CHPT1: variants seen among roughly 807,000 people sequenced by gnomAD.
The protein encoded by CHPT1 is choline phosphotransferase 1.
Under a neutral mutation model 47.6 loss-of-function variants are expected in CHPT1, and 36 were observed. That is an observed-to-expected ratio of 0.76 (90% CI 0.58 to 1.00). CHPT1 has a LOEUF of 1.00. CHPT1 is among the 50% of genes least tolerant of loss of function. The pLI is 0.00. For synonymous variants in CHPT1, 194 were observed against 186.3 expected, an observed-to-expected ratio of 1.04 and a Z score of -0.33; for missense variants, 458 against 498.1, an observed-to-expected ratio of 0.92 and a Z score of 0.77.
At chr12:101,717,306 G>T in intron 4 of CHPT1, 1 of 454,814 alleles carries the variant, frequency 2.2e-6, no homozygotes, top group Admixed American at 2.4e-5. Flanking sequence ...TTTCATAAAA[G>T]TTGGCTCTTA....
At chr12:101,702,645 T>C (rs562761479) in intron 1 of CHPT1, among the ~76,000 whole-genome samples, 2 of 144,442 alleles carry the variant, frequency 1.4e-5, no homozygotes, top group African/African-American at 4.9e-5. Flanking sequence ...CTACTCAGAC[T>C]TTTTTTTATA....
chr12:101,714,191 C>T lies in CHPT1; in HGVS notation c.375C>T (p.Ser125=). The change falls in exon 2 of 9, where the codon TCC becomes TCT. Residue 125 remains serine, a synonymous_variant. Coordinates refer to ENST00000229266, the MANE Select transcript of CHPT1 (RefSeq NM_020244.3). ...GKQARRTNSC[S]PLGELFDHGC... ...AAGCCAGAAGAACAAACTCTTGTTC[C>T]CCTTTAGGGGAGCTCTTTGACCATG... is the stretch of plus-strand genomic sequence containing the variant. The T allele has an allele frequency of 6.2e-7, 1 of 1,613,062 alleles. No homozygotes were observed. Among genetic ancestry groups the T allele is most frequent in the Admixed American group, 1.7e-5 (1 of 59,942 alleles).
intron 5 of CHPT1, among the ~76,000 whole-genome samples, chr12:101,722,332 TTAA>T (rs1390778387): frequency 1.3e-5 from 2 of 152,192 alleles, no homozygotes; most frequent in Non-Finnish European, 2.9e-5. Context: ...ACATGTAAAC[TTAA>T]TAAACAAGAG....
rs562246323 is a variant in CHPT1 at position 101,697,919 on chromosome 12, C to A, written c.58C>A (p.Pro20Thr). The A allele has an allele frequency of 2.1e-6, 3 of 1,432,894 alleles. No individual in the cohort carries two copies. Among genetic ancestry groups the A allele is most frequent in the Non-Finnish European group, 2.7e-6 (3 of 1,096,066 alleles). The allele number at this position is 1,432,894 out of a possible 1,614,324, so 88.8% of individuals were successfully genotyped here. A position where few individuals can be genotyped will look rare whatever the true frequency, so the allele number is the denominator to read the frequency against. The change falls in exon 1 of 9, where the codon CCG becomes ACG. Residue 20 changes from proline (P) to threonine (T), a missense_variant. Physicochemically the swap from Pro to Thr is conservative, Grantham distance 38. Coordinates refer to ENST00000229266, the MANE Select transcript of CHPT1 (RefSeq NM_020244.3). ...GCGCTGGCTGAGGGCGCTGAGCGAGCCGCTGAGCGCGGCGCAGCTGCGGCG... is the reference window on the plus strand; with the variant it reads ...GCGCTGGCTGAGGGCGCTGAGCGAGACGCTGAGCGCGGCGCAGCTGCGGCG... ...APRWLRALSE[P>T]LSAAQLRRLE...
intron 4 of CHPT1, 102 bp downstream of exon 4, chr12:101,716,914 AT>A (rs5800483): frequency 0.35 from 190,585 of 545,668 alleles, 24,006 homozygotes; most frequent in African/African-American, 0.45. Flanking sequence ...ATTGTATTTA[AT>A]TTTTTTTTTT....
chr12:101,698,150 C>T lies in CHPT1; in HGVS notation c.273+16C>T. 2 of 1,444,552 alleles carry T rather than the reference C, an allele frequency of 1.4e-6. No individual in the cohort carries two copies. Among genetic ancestry groups the T allele is most frequent in the East Asian group, 5.9e-5 (2 of 34,126 alleles). The allele number at this position is 1,444,552 out of a possible 1,614,324, so 89.5% of individuals were successfully genotyped here. ...CACCGAAGAGGTAGGGCTGGCCGAT[C>T]GCCCGAGCCGGGCCCCAGATGCGCT... On this transcript the variant is annotated intron_variant, in intron 1 of 8. Coordinates refer to ENST00000229266, the MANE Select transcript of CHPT1 (RefSeq NM_020244.3).
rs1376432877 is a variant in CHPT1 at position 101,698,063 on chromosome 12, C to G, written c.202C>G (p.Leu68Val). 1.3e-6 allele frequency: 2 copies of G among 1,572,462 alleles called. No homozygotes were observed. The highest frequency in any genetic ancestry group is 1.4e-5 in the African/African-American group (1 of 71,820). ...PLWMAPNSIT[L>V]LGLAVNVVTT... Reference sequence around the variant, plus strand: ...CTGGATGGCCCCCAACTCCATCACCCTGCTGGGGCTCGCCGTCAACGTGGT... The same window carrying G: ...CTGGATGGCCCCCAACTCCATCACCGTGCTGGGGCTCGCCGTCAACGTGGT... The change falls in exon 1 of 9, where the codon CTG becomes GTG. Residue 68 changes from leucine to valine, a missense_variant. Physicochemically the swap from Leu to Val is conservative, Grantham distance 32. Coordinates refer to ENST00000229266, the MANE Select transcript of CHPT1 (RefSeq NM_020244.3).
rs1015377483 is a variant in CHPT1 at position 101,719,461 on chromosome 12, T to G, written c.649-662T>G. On this transcript the variant is annotated intron_variant, in intron 4 of 8. Transcript: ENST00000229266. ...AGCTTCTGGCAATTCATTGTTACTGTTTTTTAAATCCTTTGCTGCCTTTGG... is the reference window on the plus strand; with the variant it reads ...AGCTTCTGGCAATTCATTGTTACTGGTTTTTAAATCCTTTGCTGCCTTTGG... 5.1e-6 allele frequency: 5 copies of G among 971,472 alleles called. No homozygotes were observed. The African/African-American group carries it at 8.4e-5, about 16-fold the overall frequency. 60.2% of individuals were successfully genotyped at this position (971,472 alleles called of 1,614,324 possible).
In CHPT1 at chr12:101,709,276, A is replaced by C. The variant is rs977736872; in HGVS notation, c.274-4814A>C. On this transcript the variant is annotated intron_variant, in intron 1 of 8. Transcript: ENST00000229266. ...ACCAGGCATGGTGGTGCACACCTGT[A>C]GTGTCCTAGCTACTGAGGAGGCTGA... Among the ~76,000 whole-genome samples, 2 of 144,796 alleles carry C rather than the reference A, an allele frequency of 1.4e-5. 1 individual carries two copies. Among genetic ancestry groups the C allele is most frequent in the Non-Finnish European group, 3.1e-5 (2 of 65,252 alleles). 95.0% of individuals were successfully genotyped at this position (144,796 alleles called of 152,430 possible).
In CHPT1 at chr12:101,705,090, TTTTGTTTG is replaced by T. The variant is rs992919773; in HGVS notation, c.273+6972_273+6979del. 3.3e-5 allele frequency among the ~76,000 whole-genome samples: 4 copies of T among 122,810 alleles called. 1 individual carries two copies. Among genetic ancestry groups the T allele is most frequent in the African/African-American group, 8.3e-5 (2 of 24,072 alleles). The allele number at this position is 122,810 out of a possible 152,430, so 80.6% of individuals were successfully genotyped here. A position where few individuals can be genotyped will look rare whatever the true frequency, so the allele number is the denominator to read the frequency against. ...ATGTATTCTTCCCATTGCTTTTTTG[TTTTGTTTG>T]TTTGTTTGTTTGTTTTTGAGATAGG... On this transcript the variant is annotated intron_variant, in intron 1 of 8. Transcript: ENST00000229266.
At chr12:101,698,880 G>C (rs1951506706) in intron 1 of CHPT1, among the ~76,000 whole-genome samples, 1 of 152,138 alleles carries the variant, frequency 6.6e-6, no homozygotes, top group Non-Finnish European at 1.5e-5. Flanking sequence ...GGGGCAGAGT[G>C]GAGTTCACTC....
At chr12:101,720,403 C>A in intron 5 of CHPT1, 149 bp downstream of exon 5, 1 of 698,564 alleles carries the variant, frequency 1.4e-6, no homozygotes, top group Non-Finnish European at 2.3e-6. Context: ...AGTACAAAAG[C>A]ATTTTAAAAA....
At chr12:101,713,616 AC>A (rs1951724143) in intron 1 of CHPT1, among the ~76,000 whole-genome samples, 1 of 151,496 alleles carries the variant, frequency 6.6e-6, no homozygotes, top group Non-Finnish European at 1.5e-5. Flanking sequence ...ATGTTTGAAA[AC>A]TGTTTTTTGT....
chr12:101,721,930 G>A lies in CHPT1; in HGVS notation c.781-1238G>A, dbSNP rs541309489. Among the ~76,000 whole-genome samples, 6 of 151,970 alleles carry A rather than the reference G, an allele frequency of 3.9e-5. No individual in the cohort carries two copies. In the South Asian group the frequency reaches 8.3e-4, roughly 21 times the overall value. ...AAAAATTAGCTGGGCTTAGTGGCGG[G>A]CACCTGTAATCCCAGCTACTCAGGA... On this transcript the variant is annotated intron_variant, in intron 5 of 8. Transcript: ENST00000229266.
In CHPT1 at chr12:101,698,029, G is replaced by A; in HGVS notation, c.168G>A (p.Trp56Ter). The A allele has an allele frequency of 6.3e-7, 1 of 1,581,062 alleles. No homozygotes were observed. Among genetic ancestry groups the A allele is most frequent in the Non-Finnish European group, 8.5e-7 (1 of 1,172,278 alleles). Residue 56 changes from tryptophan (W) to a stop codon, truncating the protein, a stop_gained, in exon 1 of 9, where the codon TGG (tryptophan) becomes TGA (stop). Coordinates refer to ENST00000229266, the MANE Select transcript of CHPT1 (RefSeq NM_020244.3). LOFTEE classifies it high-confidence loss of function. ...LQLYWTWLLQ[W>*]IPLWMAPNSI... ...TCTACTGGACCTGGCTGCTCCAGTG[G>A]ATCCCGCTCTGGATGGCCCCCAACT...
intron 4 of CHPT1, chr12:101,717,357 G>T (rs555409497): frequency 2.2e-6 from 1 of 450,578 alleles, no homozygotes; most frequent in Non-Finnish European, 4.5e-6. Context: ...TGCAAAAGAA[G>T]AACATTTCTG....
intron 1 of CHPT1, among the ~76,000 whole-genome samples, chr12:101,712,571 C>T (rs979744818): frequency 1.3e-5 from 2 of 148,376 alleles, no homozygotes; most frequent in Non-Finnish European, 3.0e-5. Context: ...CACCACTCGC[C>T]GATGCACAGT....
At chr12:101,706,359 A>G (rs1951632259) in intron 1 of CHPT1, among the ~76,000 whole-genome samples, 1 of 151,988 alleles carries the variant, frequency 6.6e-6, no homozygotes, top group Admixed American at 6.5e-5. Context: ...CAAGAAAAAA[A>G]AAAAAGAAAG....
At chr12:101,728,432 T>C (rs920410503) in intron 8 of CHPT1, 4 of 156,412 alleles carry the variant, frequency 2.6e-5, no homozygotes, top group Non-Finnish European at 5.7e-5. Flanking sequence ...TTGCTAGTGA[T>C]TTAATGTTCA....
Sources: gnomAD v4.1 joint callset for allele counts (sites outside exome capture counted in the v4.1 genomes callset) on GRCh38, gnomAD v4.1.1 for gene constraint, MANE v1.5 for transcripts, NCBI Gene and HGNC (gene_info 2026-07-23, HGNC 2026-07-21) for gene names.